Variants in SNX29 observed in about 807,000 individuals in gnomAD.
The protein encoded by SNX29 is sorting nexin-29.
SNX29 carries 78 observed loss-of-function variants against 102.1 expected under a neutral mutation model. The ratio of observed to expected loss-of-function variants is 0.76; its 90% confidence interval spans 0.64 to 0.92. The LOEUF is 0.92. Ranked by LOEUF, SNX29 falls within the 40% of genes least tolerant of loss-of-function variation. The pLI is 0.00. For synonymous variants in SNX29, 580 were observed against 414.5 expected, an observed-to-expected ratio of 1.40 and a Z score of -4.85; for missense variants, 1,280 against 1,061.7, an observed-to-expected ratio of 1.21 and a Z score of -2.86.
Position 12,401,511 on chromosome 16 carries a change from G to A in SNX29, c.1956-1937G>A, listed in dbSNP as rs550706298. On this transcript the variant is annotated intron_variant, in intron 17 of 20. Coordinates refer to ENST00000566228, the MANE Select transcript of SNX29 (RefSeq NM_032167.5). ...CCCAAGTAGCTGGGACTACAGGCGC[G>A]TGCCACCATGCCCAGCTAATTTTTG... Among the ~76,000 whole-genome samples, 19 of 151,680 alleles carry A rather than the reference G, an allele frequency of 1.3e-4. No homozygotes were observed. In the East Asian group the frequency reaches 3.5e-3, roughly 28 times the overall value.
chr16:12,531,015 A>G (rs2076917924), intron 20 of SNX29, among the ~76,000 whole-genome samples: 1 of 152,254 alleles, frequency 6.6e-6, no homozygotes, highest in African/African-American at 2.4e-5. Context: ...ATCTCGATGG[A>G]TACACATTTT....
At chr16:12,172,222 T>C (rs1469734908) in intron 13 of SNX29, among the ~76,000 whole-genome samples, 2 of 152,114 alleles carry the variant, frequency 1.3e-5, no homozygotes, top group Non-Finnish European at 2.9e-5. Context: ...CGTATGTTTC[T>C]GAAAAGGAAG....
At chr16:12,356,392 C>T in intron 16 of SNX29, 113 bp downstream of exon 16, 1 of 842,556 alleles carries the variant, frequency 1.2e-6, no homozygotes, top group Non-Finnish European at 1.9e-6. Flanking sequence ...CCAGATTTGC[C>T]CACATTCACC....
intron 11 of SNX29, chr16:12,093,825 C>T (rs561316355): frequency 6.6e-6 from 1 of 152,278 alleles, no homozygotes; most frequent in East Asian, 1.9e-4. Flanking sequence ...TGTGTTTGTG[C>T]ACATACGTGG....
At chr16:12,063,442 T>C (rs1347889181) in intron 9 of SNX29, among the ~76,000 whole-genome samples, 2 of 141,408 alleles carry the variant, frequency 1.4e-5, no homozygotes, top group East Asian at 4.3e-4. Context: ...TGGCATGATC[T>C]TGGCTCACTG....
At chr16:12,540,450 C>A (rs61669531) in intron 20 of SNX29, among the ~76,000 whole-genome samples, 28,617 of 152,134 alleles carry the variant, frequency 0.19, 3,445 homozygotes, top group African/African-American at 0.33. Flanking sequence ...GGCCAGAAGT[C>A]CGAGATCCGT....
intron 16 of SNX29, among the ~76,000 whole-genome samples, chr16:12,363,542 T>G (rs1415039485): frequency 2.6e-5 from 4 of 152,312 alleles, no homozygotes; most frequent in African/African-American, 9.6e-5. Context: ...ATTCTGCCAG[T>G]GAAACAGTGC....
At chr16:12,457,484 C>G (rs576619495) in intron 18 of SNX29, among the ~76,000 whole-genome samples, 24 of 152,310 alleles carry the variant, frequency 1.6e-4, no homozygotes, top group South Asian at 2.1e-4. Context: ...CACACTATAC[C>G]TCAATGCCTT....
In SNX29 at chr16:12,570,175, A is replaced by T; in HGVS notation, c.*1546A>T. On this transcript the variant is annotated 3_prime_UTR_variant, in exon 21 of 21. Coordinates refer to ENST00000566228, the MANE Select transcript of SNX29 (RefSeq NM_032167.5). The stretch of plus-strand genomic sequence containing the variant: ...CACACAGCGCCCCCCCACCCCAGAG[A>T]AACCGAGTCAGCCTACATGACTTCC... 1 of 1,064,738 alleles carries T rather than the reference A, an allele frequency of 9.4e-7. No individual in the cohort carries two copies. Among genetic ancestry groups the T allele is most frequent in the African/African-American group, 1.6e-5 (1 of 61,162 alleles). 66.0% of individuals were successfully genotyped at this position (1,064,738 alleles called of 1,614,324 possible).
chr16:12,063,477 T>C (rs350211), intron 9 of SNX29, among the ~76,000 whole-genome samples: 29,154 of 149,748 alleles, frequency 0.19, 3,589 homozygotes, highest in African/African-American at 0.34. Flanking sequence ...TGGGTTCAAG[T>C]GATTCTCCTG....
At chr16:12,536,983 A>G (rs1003718169) in intron 20 of SNX29, among the ~76,000 whole-genome samples, 15 of 147,334 alleles carry the variant, frequency 1.0e-4, no homozygotes, top group African/African-American at 3.7e-4. Flanking sequence ...CCGTCTTAAA[A>G]AAATAAAATA....
chr16:12,495,659 A>C (rs981009388), intron 19 of SNX29, among the ~76,000 whole-genome samples: 1 of 152,234 alleles, frequency 6.6e-6, no homozygotes, highest in African/African-American at 2.4e-5. Flanking sequence ...GGTAGTGACA[A>C]AATCCAGTTT....
Position 12,570,165 on chromosome 16 carries a change from C to G in SNX29, c.*1536C>G, listed in dbSNP as rs1436746257. The G allele has an allele frequency of 2.2e-5, 23 of 1,065,316 alleles. No homozygotes were observed. Among genetic ancestry groups the G allele is most frequent in the Non-Finnish European group, 2.5e-5 (22 of 879,228 alleles). 66.0% of individuals were successfully genotyped at this position (1,065,316 alleles called of 1,614,324 possible). On this transcript the variant is annotated 3_prime_UTR_variant, in exon 21 of 21. Transcript: ENST00000566228. ...AGATCACTCACACACAGCGCCCCCCCACCCCAGAGAAACCGAGTCAGCCTA... is the reference window on the plus strand; with the variant it reads ...AGATCACTCACACACAGCGCCCCCCGACCCCAGAGAAACCGAGTCAGCCTA...
intron 11 of SNX29, among the ~76,000 whole-genome samples, chr16:12,105,038 T>C (rs907400488): frequency 1.3e-5 from 2 of 152,156 alleles, no homozygotes; most frequent in African/African-American, 4.8e-5. Context: ...CTCATCCACA[T>C]AGGAAGGAGA....
At chr16:12,386,744 A>G (rs1044214516) in intron 16 of SNX29, among the ~76,000 whole-genome samples, 4 of 152,212 alleles carry the variant, frequency 2.6e-5, no homozygotes, top group African/African-American at 9.6e-5. Context: ...ATGCCTGCTC[A>G]CTGTTAATAA....
intron 20 of SNX29, among the ~76,000 whole-genome samples, chr16:12,567,442 C>A (rs145565797): frequency 1.3e-5 from 2 of 152,300 alleles, no homozygotes; most frequent in South Asian, 4.2e-4. Context: ...ACATTCCTAG[C>A]CCCAGAATTT....
intron 16 of SNX29, among the ~76,000 whole-genome samples, chr16:12,366,444 C>CA (rs1350593784): frequency 3.3e-5 from 5 of 152,300 alleles, no homozygotes; most frequent in Non-Finnish European, 7.4e-5. Context: ...TACTAGCTAG[C>CA]AGGGAGCTCA....
intron 14 of SNX29, among the ~76,000 whole-genome samples, chr16:12,272,400 G>A (rs547765320): frequency 6.6e-4 from 100 of 152,356 alleles, no homozygotes; most frequent in Non-Finnish European, 1.3e-3. Flanking sequence ...GTCACGGGTA[G>A]AGCAGGGCTG....
intron 20 of SNX29, among the ~76,000 whole-genome samples, chr16:12,540,451 C>A (rs34393429): frequency 6.6e-6 from 1 of 152,202 alleles, no homozygotes; most frequent in African/African-American, 2.4e-5. Context: ...GCCAGAAGTC[C>A]GAGATCCGTC....
Sources: allele counts gnomAD v4.1 joint callset (sites outside exome capture counted in the v4.1 genomes callset), GRCh38; gene constraint gnomAD v4.1.1; transcripts MANE v1.5; gene names NCBI Gene and HGNC (gene_info 2026-07-23, HGNC 2026-07-21).